TMEM108: variants seen among roughly 807,000 people sequenced by gnomAD.
The protein encoded by TMEM108 is transmembrane protein 108.
In TMEM108, 12 loss-of-function variants were observed where a neutral mutation model predicts 35.1. The ratio of observed to expected loss-of-function variants is 0.34; its 90% CI spans 0.22 to 0.55. The LOEUF (loss-of-function observed/expected upper bound fraction) is 0.55. TMEM108 is among the 20% of genes least tolerant of loss of function. The pLI, the probability that TMEM108 is intolerant of heterozygous loss-of-function variation, is 0.89. For synonymous variants in TMEM108, 287 were observed against 308.6 expected (o/e 0.93, Z 0.73); for missense variants, 680 against 753.3 (o/e 0.90, Z 1.14).
chr3:133,235,676 A>G (rs1315782076), intron 3 of TMEM108, among the ~76,000 whole-genome samples: 1 of 152,134 alleles, frequency 6.6e-6, no homozygotes, highest in Non-Finnish European at 1.5e-5. Flanking sequence ...TCCTGCCTGG[A>G]AAACATAAGG....
chr3:133,321,012 T>C (rs1337057507), intron 3 of TMEM108, among the ~76,000 whole-genome samples: 2 of 152,102 alleles, frequency 1.3e-5, no homozygotes, highest in African/African-American at 4.8e-5. Context: ...CAAGAAATTC[T>C]AAAAAGAGAT....
chr3:133,379,949 C>G lies in TMEM108; in HGVS notation c.238C>G (p.Pro80Ala), dbSNP rs748674531. The change falls in exon 4 of 6, where the codon CCC (proline) becomes GCC (alanine). Residue 80 changes from proline to alanine, a missense_variant. Physicochemically the swap from Pro to Ala is conservative, Grantham distance 27 (BLOSUM62 -1). This residue lies in a region of TMEM108 where 526 missense variants were observed against 532.1 expected (regional missense o/e 0.99). Coordinates refer to ENST00000321871, the MANE Select transcript of TMEM108 (RefSeq NM_023943.4). ...PDGPPSQAAAPMATPTPRAEG... is the reference protein window; with the variant it reads ...PDGPPSQAAAAMATPTPRAEG... Reference sequence around the variant, plus strand: ...TGGACCCCCCTCACAGGCTGCAGCTCCCATGGCAACACCGACACCCCGTGC... The same window carrying G: ...TGGACCCCCCTCACAGGCTGCAGCTGCCATGGCAACACCGACACCCCGTGC... 2 of 1,613,754 alleles carry G rather than the reference C, an allele frequency of 1.2e-6. No homozygotes were observed. Among genetic ancestry groups the G allele is most frequent in the East Asian group, 4.5e-5 (2 of 44,862 alleles).
At chr3:133,050,002 A>G (rs888704636) in intron 2 of TMEM108, among the ~76,000 whole-genome samples, 1 of 152,204 alleles carries the variant, frequency 6.6e-6, no homozygotes, top group Non-Finnish European at 1.5e-5. Flanking sequence ...CTTTGGCAAC[A>G]TGGAAGAATT....
intron 3 of TMEM108, among the ~76,000 whole-genome samples, chr3:133,315,112 C>T (rs1197700675): frequency 6.6e-6 from 1 of 152,154 alleles, no homozygotes; most frequent in Non-Finnish European, 1.5e-5. Flanking sequence ...CGATCAAGTG[C>T]TTAGAGCAAT....
intron 3 of TMEM108, among the ~76,000 whole-genome samples, chr3:133,328,984 G>T (rs765462629): frequency 1.3e-5 from 2 of 151,882 alleles, no homozygotes; most frequent in Non-Finnish European, 1.5e-5. Context: ...CATCATGGTG[G>T]TATTTATTTA....
chr3:133,238,331 C>T (rs564587423), intron 3 of TMEM108, among the ~76,000 whole-genome samples: 184 of 152,244 alleles, frequency 1.2e-3, no homozygotes, highest in African/African-American at 4.3e-3. Flanking sequence ...TAATGGGAGT[C>T]ATACATGTTT....
intron 2 of TMEM108, among the ~76,000 whole-genome samples, chr3:133,050,470 A>G (rs139949277): frequency 7.6e-4 from 115 of 152,192 alleles, no homozygotes; most frequent in African/African-American, 2.7e-3. Flanking sequence ...ACCCACCAGA[A>G]TGGCACATTT....
rs548513989 is a variant in TMEM108, at chr3:133,129,863, C to T, written c.-47+83843C>T. On this transcript the variant is annotated intron_variant, in intron 2 of 5. Coordinates refer to ENST00000321871, the MANE Select transcript of TMEM108 (RefSeq NM_023943.4). ...CTTAGCTCTAAAATCTGATTACTTT[C>T]TAAATGTATTATTTGCAAAAAAAGT... 5.3e-4 allele frequency among the ~76,000 whole-genome samples: 75 copies of T among 140,794 alleles called. No individual in the cohort carries two copies. In the Middle Eastern group the frequency reaches 0.011, roughly 20 times the overall value. 92.4% of individuals were successfully genotyped at this position (140,794 alleles called of 152,430 possible).
intron 3 of TMEM108, among the ~76,000 whole-genome samples, chr3:133,314,892 C>T (rs2071177278): frequency 6.6e-6 from 1 of 152,222 alleles, no homozygotes; most frequent in Non-Finnish European, 1.5e-5. Context: ...ATTTGCATAG[C>T]TCTTTGCCCT....
chr3:133,067,480 TG>T (rs1328918249), intron 2 of TMEM108, among the ~76,000 whole-genome samples: 2 of 152,234 alleles, frequency 1.3e-5, no homozygotes, highest in Non-Finnish European at 2.9e-5. Flanking sequence ...ATCTAAAGCT[TG>T]ACTACATCTC....
At chr3:133,240,323 A>G (rs1946295216) in intron 3 of TMEM108, among the ~76,000 whole-genome samples, 3 of 152,164 alleles carry the variant, frequency 2.0e-5, no homozygotes, top group Non-Finnish European at 4.4e-5. Flanking sequence ...TGAAAGTGTC[A>G]TGTTGATTTA....
chr3:133,058,463 G>T (rs780996479), intron 2 of TMEM108, among the ~76,000 whole-genome samples: 5 of 152,212 alleles, frequency 3.3e-5, no homozygotes, highest in Admixed American at 3.3e-4. Context: ...CTGCAGTCAG[G>T]TGTGCTTTCT....
chr3:133,104,356 TTGTC>T (rs1298216600), intron 2 of TMEM108, among the ~76,000 whole-genome samples: 2 of 152,330 alleles, frequency 1.3e-5, no homozygotes, highest in East Asian at 3.9e-4. Flanking sequence ...AGAGCTTTAT[TTGTC>T]TGTAGCTGAA....
chr3:133,176,012 G>A (rs146720402), intron 2 of TMEM108, among the ~76,000 whole-genome samples: 2,563 of 152,202 alleles, frequency 0.017, 96 homozygotes, highest in African/African-American at 0.058. Context: ...AAAAGGCAGC[G>A]GTTGCAATCC....
intron 2 of TMEM108, among the ~76,000 whole-genome samples, chr3:133,139,888 A>G (rs894326066): frequency 4.6e-5 from 7 of 152,130 alleles, no homozygotes; most frequent in Non-Finnish European, 7.3e-5. Context: ...AGCCCCCTCC[A>G]GCAGGGCAGT....
chr3:133,055,259 A>G (rs886555888), intron 2 of TMEM108, among the ~76,000 whole-genome samples: 46 of 152,244 alleles, frequency 3.0e-4, no homozygotes, highest in Non-Finnish European at 4.0e-4. Context: ...CTTCAATTTT[A>G]ACTTTAAAGA....
Position 133,337,780 on chromosome 3 carries a change from T to C in TMEM108, c.41-41972T>C, listed in dbSNP as rs577201442. 2.6e-5 allele frequency among the ~76,000 whole-genome samples: 4 copies of C among 152,246 alleles called. No homozygotes were observed. The East Asian group carries it at 7.7e-4, about 29-fold the overall frequency. ...AGACAGAGAATTCAAAATAGCTGTT[T>C]TGAGGAAATTCAAAGAAATTCAAGA... On this transcript the variant is annotated intron_variant, in intron 3 of 5. Transcript: ENST00000321871.
intron 3 of TMEM108, among the ~76,000 whole-genome samples, chr3:133,353,010 A>G (rs2072052405): frequency 6.6e-6 from 1 of 152,144 alleles, no homozygotes; most frequent in Non-Finnish European, 1.5e-5. Context: ...CCCAGCCACC[A>G]TCATCTCATT....
intron 3 of TMEM108, among the ~76,000 whole-genome samples, chr3:133,305,415 G>C (rs1318709677): frequency 6.6e-6 from 1 of 151,498 alleles, no homozygotes; most frequent in Non-Finnish European, 1.5e-5. Context: ...CCTAATGCTA[G>C]ATGACGAGTT....
Sources: allele counts gnomAD v4.1 joint callset (sites outside exome capture counted in the v4.1 genomes callset), GRCh38; gene constraint gnomAD v4.1.1; regional missense constraint gnomAD v4.1.1; transcripts MANE v1.5; gene names NCBI Gene and HGNC (gene_info 2026-07-23, HGNC 2026-07-21).